DEPTOR: variants seen among roughly 807,000 people sequenced by gnomAD.
DEPTOR encodes DEP domain containing MTOR interacting protein.
Under a neutral mutation model 41.6 loss-of-function variants are expected in DEPTOR, and 41 were observed. The observed-to-expected ratio is 0.98, with a 90% CI of 0.77 to 1.28. DEPTOR has a LOEUF of 1.28. Among genes scored for constraint, DEPTOR ranks in the 50% most tolerant of loss-of-function variants. The pLI, the probability that DEPTOR is intolerant of heterozygous loss-of-function variation, is 0.00. For missense variants in DEPTOR, 514 were observed against 527.9 expected, an observed-to-expected ratio of 0.97 and a Z score of 0.26; for synonymous variants, 195 against 192.3, an observed-to-expected ratio of 1.01 and a Z score of -0.12.
intron 4 of DEPTOR, among the ~76,000 whole-genome samples, chr8:119,973,633 G>A (rs1828660474): frequency 6.6e-6 from 1 of 152,228 alleles, no homozygotes; most frequent in Admixed American, 6.5e-5. Context: ...ATGGAAACCA[G>A]ATAATCATGT....
At chr8:119,878,391 C>T (rs1827255224) in intron 1 of DEPTOR, among the ~76,000 whole-genome samples, 1 of 150,838 alleles carries the variant, frequency 6.6e-6, no homozygotes, top group South Asian at 2.1e-4. Flanking sequence ...ACTATCTCGG[C>T]TTACTGCAAC....
Position 119,928,531 on chromosome 8 carries a change from C to A in DEPTOR, c.254C>A (p.Ala85Glu). 6.2e-7 allele frequency: 1 copy of A among 1,614,108 alleles called. No homozygotes were observed. Among genetic ancestry groups the A allele is most frequent in the Non-Finnish European group, 8.5e-7 (1 of 1,180,014 alleles). The change falls in exon 2 of 9, where the codon GCA (alanine) becomes GAA (glutamate). Residue 85 changes from alanine to glutamate, a missense_variant. Ala to Glu is a moderately radical substitution (Grantham distance 107, BLOSUM62 -1). Coordinates refer to ENST00000286234, the MANE Select transcript of DEPTOR (RefSeq NM_022783.4). ...EHKEASDRET[A>E]IKLMQKLADR... ...AAAGAGGCTTCTGACAGAGAGACGGCAATTAAACTCATGCAGAAATTAGCA... is the reference window on the plus strand; with the variant it reads ...AAAGAGGCTTCTGACAGAGAGACGGAAATTAAACTCATGCAGAAATTAGCA...
At chr8:120,023,042 G>A (rs1341001613) in intron 8 of DEPTOR, among the ~76,000 whole-genome samples, 2 of 152,276 alleles carry the variant, frequency 1.3e-5, no homozygotes, top group Non-Finnish European at 2.9e-5. Context: ...CACAGTTCTG[G>A]AGAATGGAAG....
intron 8 of DEPTOR, among the ~76,000 whole-genome samples, chr8:120,040,919 C>T (rs986326649): frequency 1.3e-4 from 20 of 152,136 alleles, no homozygotes; most frequent in South Asian, 4.1e-4. Flanking sequence ...ATCATTTAAT[C>T]GGGCAGCCTT....
At chr8:120,027,062 T>TA (rs1262264471) in intron 8 of DEPTOR, among the ~76,000 whole-genome samples, 2 of 150,876 alleles carry the variant, frequency 1.3e-5, no homozygotes, top group Non-Finnish European at 3.0e-5. Context: ...CTATTAGAAA[T>TA]AAAAAATTAG....
At chr8:120,044,758 C>T (rs920602541) in intron 8 of DEPTOR, among the ~76,000 whole-genome samples, 1 of 152,152 alleles carries the variant, frequency 6.6e-6, no homozygotes, top group Non-Finnish European at 1.5e-5. Context: ...GTGTAAAGTA[C>T]TTGGATTGGC....
intron 4 of DEPTOR, among the ~76,000 whole-genome samples, chr8:119,974,080 G>C (rs1283073123): frequency 6.6e-6 from 1 of 151,858 alleles, no homozygotes; most frequent in African/African-American, 2.4e-5. Flanking sequence ...AGGGGAAAAA[G>C]GGGAAGAGGA....
At chr8:120,030,497 G>GTTTTTTTT (rs1171655489) in intron 8 of DEPTOR, among the ~76,000 whole-genome samples, 1,134 of 46,190 alleles carry the variant, frequency 0.025, 314 homozygotes, top group Non-Finnish European at 0.029. Context: ...AGGTTCATCA[G>GTTTTTTTT]TTTTTTTTTT....
intron 3 of DEPTOR, 32 bp from the exon 4 acceptor site, chr8:119,965,199 GT>G (rs2129967716): frequency 6.3e-7 from 1 of 1,593,662 alleles, no homozygotes; most frequent in East Asian, 2.2e-5. Flanking sequence ...TTTCGTATAG[GT>G]TTACTTTTCT....
chr8:120,038,959 T>C (rs541366423), intron 8 of DEPTOR, among the ~76,000 whole-genome samples: 3 of 152,244 alleles, frequency 2.0e-5, no homozygotes, highest in Non-Finnish European at 2.9e-5. Context: ...TTAGCTATTA[T>C]AGCACTGCCC....
intron 1 of DEPTOR, among the ~76,000 whole-genome samples, chr8:119,904,600 T>A (rs9720591): frequency 0.5 from 75,566 of 151,650 alleles, 20,545 homozygotes; most frequent in East Asian, 0.92. Context: ...GTTCAAGCAA[T>A]TCTCCCTGCC....
chr8:120,001,928 A>G (rs1387495581), intron 5 of DEPTOR, among the ~76,000 whole-genome samples: 1 of 152,110 alleles, frequency 6.6e-6, no homozygotes, highest in Non-Finnish European at 1.5e-5. Context: ...TATTTGAATT[A>G]TAGAAGTCCT....
chr8:120,013,306 A>G (rs1190812791), intron 8 of DEPTOR, among the ~76,000 whole-genome samples: 1 of 152,176 alleles, frequency 6.6e-6, no homozygotes, highest in Non-Finnish European at 1.5e-5. Flanking sequence ...AGCAAATACC[A>G]TGTCCTTCCG....
intron 8 of DEPTOR, among the ~76,000 whole-genome samples, chr8:120,017,553 GAGA>G (rs1301207641): frequency 6.6e-6 from 1 of 152,184 alleles, no homozygotes; most frequent in Non-Finnish European, 1.5e-5. Flanking sequence ...GGTTGTTTTG[GAGA>G]AGATCAAATA....
chr8:119,885,508 G>A (rs115773901), intron 1 of DEPTOR, among the ~76,000 whole-genome samples: 2,822 of 152,138 alleles, frequency 0.019, 84 homozygotes, highest in African/African-American at 0.063. Flanking sequence ...AAATTCTAAC[G>A]GTAGAAACAA....
intron 1 of DEPTOR, among the ~76,000 whole-genome samples, chr8:119,920,406 T>C (rs1827874718): frequency 6.6e-6 from 1 of 152,162 alleles, no homozygotes; most frequent in Non-Finnish European, 1.5e-5. Context: ...GCTAAAATAT[T>C]GTGGGACAAT....
chr8:119,889,601 G>A (rs1563957729), intron 1 of DEPTOR, among the ~76,000 whole-genome samples: 1 of 103,604 alleles, frequency 9.7e-6, no homozygotes, highest in Non-Finnish European at 2.0e-5. Context: ...GGGGTGGGGA[G>A]GTGGGGAGGG....
chr8:119,926,146 G>A (rs905340149), intron 1 of DEPTOR, among the ~76,000 whole-genome samples: 7 of 151,940 alleles, frequency 4.6e-5, no homozygotes, highest in Non-Finnish European at 1.0e-4. Flanking sequence ...TCTGTGCTCC[G>A]ATTTCACTCC....
At chr8:119,964,909 A>G (rs1296362772) in intron 3 of DEPTOR, among the ~76,000 whole-genome samples, 1 of 152,050 alleles carries the variant, frequency 6.6e-6, no homozygotes, top group Non-Finnish European at 1.5e-5. Flanking sequence ...ACCTGTCGCT[A>G]CTAAAAATAC....
Sources: gnomAD v4.1 joint callset for allele counts (sites outside exome capture counted in the v4.1 genomes callset) on GRCh38, gnomAD v4.1.1 for gene constraint, MANE v1.5 for transcripts, NCBI Gene and HGNC (gene_info 2026-07-23, HGNC 2026-07-21) for gene names.